Variants in DSCAML1 observed in about 807,000 individuals in gnomAD.
DSCAML1 encodes the protein cell adhesion molecule DSCAML1.
A neutral mutation model predicts 200.5 loss-of-function variants in DSCAML1; 38 were observed. The observed-to-expected ratio is 0.19, with a 90% confidence interval of 0.15 to 0.25. DSCAML1 has a LOEUF of 0.25. Ranked by LOEUF, DSCAML1 falls within the 10% of genes least tolerant of loss-of-function variation. The probability of loss-of-function intolerance (pLI) is 1.00; values close to 1 mark genes in which losing one functional copy is unlikely to be tolerated. For missense variants in DSCAML1, 2,223 were observed against 2,858.8 expected (o/e 0.78, Z 5.07); for synonymous variants, 1,215 against 1,165.0 (o/e 1.04, Z -0.87).
intron 3 of DSCAML1, among the ~76,000 whole-genome samples, chr11:117,761,051 T>C (rs192563136): frequency 2.0e-5 from 3 of 152,288 alleles, no homozygotes; most frequent in East Asian, 1.9e-4. Context: ...ATCTGGATAC[T>C]TGGCCTCTAC....
chr11:117,494,844 GAT>G, intron 11 of DSCAML1, among the ~76,000 whole-genome samples: 1 of 152,170 alleles, frequency 6.6e-6, no homozygotes, highest in Non-Finnish European at 1.5e-5. Context: ...AGACTGGAGT[GAT>G]GTGTCTACAG....
intron 3 of DSCAML1, among the ~76,000 whole-genome samples, chr11:117,577,921 C>T (rs983076590): frequency 6.6e-6 from 1 of 151,652 alleles, no homozygotes. Context: ...ACCCAGTTGA[C>T]CCCTCTTGCC....
Position 117,780,236 on chromosome 11 carries a change from GAAAGAAA to G in DSCAML1, c.364+250_364+256del, listed in dbSNP as rs1565280706. ...GAGAGAGAGAAAGAAAGAAAGGAAA[GAAAGAAA>G]GAAAGAAAGAAAGAAAGAAAGAAAG... On this transcript the variant is annotated intron_variant, in intron 2 of 32. Transcript: ENST00000651296. This position sits in a 1 kb window ranked among gnomAD's most constrained non-coding sequence, Gnocchi z 4.8. Among the ~76,000 whole-genome samples the G allele has an allele frequency of 9.1e-4, 48 of 52,770 alleles. 1 individual carries two copies. Among genetic ancestry groups the G allele is most frequent in the African/African-American group, 3.5e-3 (47 of 13,532 alleles). 34.6% of individuals were successfully genotyped at this position (52,770 alleles called of 152,430 possible).
At chr11:117,773,400 G>A (rs1346582821) in intron 3 of DSCAML1, among the ~76,000 whole-genome samples, 2 of 152,014 alleles carry the variant, frequency 1.3e-5, no homozygotes, top group Non-Finnish European at 2.9e-5. Flanking sequence ...CTCTGGCTCC[G>A]GAAGCTGATC....
chr11:117,431,751 T>C, intron 30 of DSCAML1, 23 bp from the exon 31 acceptor site: 1 of 1,501,546 alleles, frequency 6.7e-7, no homozygotes, highest in Non-Finnish European at 9.0e-7. Context: ...AAGCAAGAAA[T>C]TGCATCCTCC....
At chr11:117,726,282 T>C (rs1038070571) in intron 3 of DSCAML1, among the ~76,000 whole-genome samples, 4 of 151,864 alleles carry the variant, frequency 2.6e-5, no homozygotes, top group Non-Finnish European at 5.9e-5. Context: ...TGTGTGTGTG[T>C]GTGTGTGTGT....
Position 117,485,618 on chromosome 11 carries a change from ACTTG to A in DSCAML1, c.2360-3460_2360-3457del, listed in dbSNP as rs1271032736. ...ATATGTAAACTGCCTGCCACACAGCACTTGCTTAAGAAACCTGGATTCTAGTCCT... is the reference window on the plus strand; with the variant it reads ...ATATGTAAACTGCCTGCCACACAGCACTTAAGAAACCTGGATTCTAGTCCT... On this transcript the variant is annotated intron_variant, in intron 11 of 32. Coordinates refer to ENST00000651296, the MANE Select transcript of DSCAML1 (RefSeq NM_020693.4). 2.6e-5 allele frequency among the ~76,000 whole-genome samples: 4 copies of A among 152,370 alleles called. No homozygotes were observed. In the South Asian group the frequency reaches 8.3e-4, roughly 32 times the overall value.
chr11:117,440,853 G>GGAGGTT (rs1220584884), intron 21 of DSCAML1, among the ~76,000 whole-genome samples: 3 of 150,502 alleles, frequency 2.0e-5, no homozygotes, highest in Admixed American at 2.0e-4. Flanking sequence ...CCTGGGAGGT[G>GGAGGTT]GAGGTTGCAG....
chr11:117,464,820 G>A (rs73022350), intron 17 of DSCAML1, 122 bp downstream of exon 17: 33 of 1,460,604 alleles, frequency 2.3e-5, no homozygotes, highest in Non-Finnish European at 2.8e-5. Flanking sequence ...GGGAGCCTGC[G>A]TGGACCACAG....
chr11:117,465,005 C>T lies in DSCAML1; in HGVS notation c.3202G>A (p.Ala1068Thr). 3 of 1,614,098 alleles carry T rather than the reference C, an allele frequency of 1.9e-6. No homozygotes were observed. Among genetic ancestry groups the T allele is most frequent in the African/African-American group, 1.3e-5 (1 of 75,036 alleles). ...GGCCCCGTGCCAGCCCGATTGAAGGCTTGGACCACCACCCCATACTGGGCG... is the reference window on the plus strand; with the variant it reads ...GGCCCCGTGCCAGCCCGATTGAAGGTTTGGACCACCACCCCATACTGGGCG... ...KFAQYGVVVQ[A>T]FNRAGTGPSS... The change falls in exon 17 of 33, where the codon GCC becomes ACC. Residue 1068 changes from alanine (A) to threonine (T), a missense_variant. Ala to Thr is a moderately conservative substitution (Grantham distance 58, BLOSUM62 0). This residue lies in a region of DSCAML1 where 438 missense variants were observed against 629.7 expected (regional missense o/e 0.70). Coordinates refer to ENST00000651296, the MANE Select transcript of DSCAML1 (RefSeq NM_020693.4).
At position 117,437,056 on chromosome 11, in the gene DSCAML1, C is replaced by T. The variant is rs1271196430; in HGVS notation, c.4720+66G>A. 18 of 1,545,398 alleles carry T rather than the reference C, an allele frequency of 1.2e-5. No homozygotes were observed. Among genetic ancestry groups the T allele is most frequent in the Non-Finnish European group, 1.6e-5 (18 of 1,144,390 alleles). ...TCTGTCTCTTTATGTATCTGCCACTCTGCCCACTTCCTTCGCACCACCCTG... is the reference window on the plus strand; with the variant it reads ...TCTGTCTCTTTATGTATCTGCCACTTTGCCCACTTCCTTCGCACCACCCTG... On this transcript the variant is annotated intron_variant, in intron 26 of 32. Coordinates refer to ENST00000651296, the MANE Select transcript of DSCAML1 (RefSeq NM_020693.4). This position sits in a 1 kb window ranked among gnomAD's most constrained non-coding sequence, Gnocchi z 5.3.
intron 3 of DSCAML1, among the ~76,000 whole-genome samples, chr11:117,653,494 T>A (rs1397312615): frequency 6.6e-6 from 1 of 152,064 alleles, no homozygotes; most frequent in Non-Finnish European, 1.5e-5. Context: ...TCTGTCTTCA[T>A]CCTCCCCTGC....
intron 20 of DSCAML1, among the ~76,000 whole-genome samples, chr11:117,445,884 A>G (rs1225323960): frequency 6.6e-6 from 1 of 152,210 alleles, no homozygotes. Context: ...GTTCAAAAGC[A>G]CACAGACATA....
intron 11 of DSCAML1, among the ~76,000 whole-genome samples, chr11:117,492,648 C>A (rs951612924): frequency 6.6e-6 from 1 of 152,166 alleles, no homozygotes; most frequent in Non-Finnish European, 1.5e-5. Flanking sequence ...AAGTTCCCGA[C>A]AAGAGCTGCA....
intron 29 of DSCAML1, among the ~76,000 whole-genome samples, 161 bp from the exon 30 acceptor site, chr11:117,432,665 T>G (rs1203908660): frequency 5.9e-5 from 9 of 152,262 alleles, no homozygotes; most frequent in Admixed American, 4.6e-4. Context: ...TGCCCAGGCT[T>G]AATTGTGATC....
intron 3 of DSCAML1, among the ~76,000 whole-genome samples, chr11:117,565,182 TA>T (rs2050734878): frequency 6.6e-6 from 1 of 152,228 alleles, no homozygotes; most frequent in Non-Finnish European, 1.5e-5. Context: ...TCTTCTGTTT[TA>T]AAAATCAATG....
At chr11:117,707,059 G>C (rs2053770362) in intron 3 of DSCAML1, among the ~76,000 whole-genome samples, 1 of 152,150 alleles carries the variant, frequency 6.6e-6, no homozygotes, top group Non-Finnish European at 1.5e-5. Flanking sequence ...GTCTTACTTG[G>C]CTTTGGCTGA....
At position 117,780,672 on chromosome 11, in the gene DSCAML1, G is replaced by T; in HGVS notation, c.185C>A (p.Ala62Asp). ...SPSAALRWYLATGDDIYDVPH... is the reference protein window; with the variant it reads ...SPSAALRWYLDTGDDIYDVPH... Reference sequence around the variant, plus strand: ...CACGTCGTAGATGTCGTCCCCTGTGGCCAGGTACCATCGAAGGGCCGCGCT... The same window carrying T: ...CACGTCGTAGATGTCGTCCCCTGTGTCCAGGTACCATCGAAGGGCCGCGCT... The change falls in exon 2 of 33, where the codon GCC becomes GAC. Residue 62 changes from alanine to aspartate, a missense_variant. Transcript: ENST00000651296. This position sits in a 1 kb window ranked among gnomAD's most constrained non-coding sequence, Gnocchi z 4.8. 6.3e-7 allele frequency: 1 copy of T among 1,594,182 alleles called. No individual in the cohort carries two copies. Among genetic ancestry groups the T allele is most frequent in the Non-Finnish European group, 8.6e-7 (1 of 1,169,076 alleles).
At chr11:117,768,712 T>C (rs1208879958) in intron 3 of DSCAML1, among the ~76,000 whole-genome samples, 2 of 152,168 alleles carry the variant, frequency 1.3e-5, no homozygotes, top group African/African-American at 4.8e-5. Context: ...ATTTTATAGA[T>C]GATTAAACTG....
Sources: allele counts gnomAD v4.1 joint callset (sites outside exome capture counted in the v4.1 genomes callset), GRCh38; gene constraint gnomAD v4.1.1; regional missense constraint gnomAD v4.1.1; non-coding constraint Gnocchi (gnomAD v3.1); transcripts MANE v1.5; gene names NCBI Gene and HGNC (gene_info 2026-07-23, HGNC 2026-07-21).